The following KCNJ3 variants were observed in gnomAD, a reference collection of about 807,000 sequenced individuals.
KCNJ3 encodes G protein-activated inward rectifier potassium channel 1.
In KCNJ3, 4 loss-of-function variants were observed where a neutral mutation model predicts 39.2. That is an observed-to-expected ratio of 0.10 (90% CI 0.05 to 0.23). The LOEUF (loss-of-function observed/expected upper bound fraction) is 0.23. Among genes scored for constraint, KCNJ3 ranks in the 10% least tolerant of loss-of-function variants. The pLI is 1.00. For missense variants in KCNJ3, 276 were observed against 634.9 expected, an observed-to-expected ratio of 0.43 and a Z score of 6.08; for synonymous variants, 230 against 237.4, an observed-to-expected ratio of 0.97 and a Z score of 0.29.
intron 2 of KCNJ3, among the ~76,000 whole-genome samples, chr2:154,848,368 A>G (rs1209575415): frequency 6.6e-6 from 1 of 152,186 alleles, no homozygotes; most frequent in Non-Finnish European, 1.5e-5. Flanking sequence ...GAGATAAAAT[A>G]TATAAAACCT....
chr2:154,848,854 T>C (rs1687707720), intron 2 of KCNJ3, among the ~76,000 whole-genome samples: 1 of 152,200 alleles, frequency 6.6e-6, no homozygotes, highest in Non-Finnish European at 1.5e-5. Context: ...TGTTCATCCC[T>C]GAAGAAAGGT....
At chr2:154,701,801 A>G (rs148290727) in intron 1 of KCNJ3, among the ~76,000 whole-genome samples, 17 of 152,196 alleles carry the variant, frequency 1.1e-4, no homozygotes, top group Non-Finnish European at 2.2e-4. Context: ...AAACAAAATT[A>G]TGGTGAAATT....
chr2:154,766,149 T>A (rs996869920), intron 2 of KCNJ3, among the ~76,000 whole-genome samples: 1 of 152,200 alleles, frequency 6.6e-6, no homozygotes, highest in Non-Finnish European at 1.5e-5. Flanking sequence ...AATAGATATT[T>A]CTTTCTGCAA....
chr2:154,805,830 A>T (rs912578207), intron 2 of KCNJ3, among the ~76,000 whole-genome samples: 2 of 152,154 alleles, frequency 1.3e-5, no homozygotes, highest in African/African-American at 4.8e-5. Context: ...TAAAAAAATT[A>T]TATTTAGTGA....
intron 2 of KCNJ3, among the ~76,000 whole-genome samples, chr2:154,772,747 C>A (rs1686263841): frequency 6.6e-6 from 1 of 151,864 alleles, no homozygotes; most frequent in South Asian, 2.1e-4. Context: ...TGTCCTTAGA[C>A]TTCTGTTTTC....
At position 154,854,715 on chromosome 2, in the gene KCNJ3, C is replaced by A. The variant is rs1687809377; in HGVS notation, c.920-12C>A. The A allele has an allele frequency of 6.3e-7, 1 of 1,585,122 alleles. No homozygotes were observed. The highest frequency in any genetic ancestry group is 8.6e-7 in the Non-Finnish European group (1 of 1,161,170). ...ATGCATAATTTATCAAGAATTTTCT[C>A]TTTTCTTGTAGGGATGACTTGTCAA... is the stretch of plus-strand genomic sequence containing the variant. On this transcript the variant is annotated splice_polypyrimidine_tract_variant and intron_variant, in intron 2 of 2. Transcript: ENST00000295101.
intron 1 of KCNJ3, among the ~76,000 whole-genome samples, chr2:154,706,031 A>T (rs909239454): frequency 6.6e-6 from 1 of 152,020 alleles, no homozygotes; most frequent in Non-Finnish European, 1.5e-5. Context: ...TTTTTACTTT[A>T]TTTGTTCCAC....
rs1177822515 is a variant in KCNJ3 at position 154,855,206 on chromosome 2, G to A, written c.1399G>A (p.Val467Met). The stretch of plus-strand genomic sequence containing the variant: ...GTTATCTGATCCCATGAGCCAGTCT[G>A]TGGCTGATTTGCCACCAAAGCTTCA... ...KMLSDPMSQS[V>M]ADLPPKLQKM... Residue 467 changes from valine to methionine, a missense_variant, in exon 3 of 3, where the codon GTG (valine) becomes ATG (methionine). This residue lies in a region of KCNJ3 where 126 missense variants were observed against 179.8 expected (regional missense o/e 0.70). Transcript: ENST00000295101. 1.2e-6 allele frequency: 2 copies of A among 1,613,658 alleles called. No homozygotes were observed. The highest frequency in any genetic ancestry group is 2.2e-5 in the East Asian group (1 of 44,832).
At chr2:154,758,447 A>C (rs1350863447) in intron 2 of KCNJ3, among the ~76,000 whole-genome samples, 4 of 152,194 alleles carry the variant, frequency 2.6e-5, no homozygotes, top group African/African-American at 4.8e-5. Flanking sequence ...TAACCTGTGC[A>C]CATCCTCCTA....
At chr2:154,847,176 C>T (rs1687676619) in intron 2 of KCNJ3, among the ~76,000 whole-genome samples, 1 of 151,986 alleles carries the variant, frequency 6.6e-6, no homozygotes, top group Admixed American at 6.6e-5. Context: ...AGCCTATTGC[C>T]AGTAACCTTA....
intron 2 of KCNJ3, among the ~76,000 whole-genome samples, chr2:154,849,614 C>T (rs1371570805): frequency 6.6e-6 from 1 of 152,132 alleles, no homozygotes; most frequent in African/African-American, 2.4e-5. Context: ...TTTCCCTTGG[C>T]CTGTGGTTAT....
At chr2:154,808,592 A>G (rs552112614) in intron 2 of KCNJ3, among the ~76,000 whole-genome samples, 1 of 152,226 alleles carries the variant, frequency 6.6e-6, no homozygotes, top group African/African-American at 2.4e-5. Flanking sequence ...CCAGGTTGCC[A>G]CCTAGTCTGA....
At position 154,709,737 on chromosome 2, in the gene KCNJ3, C is replaced by G; in HGVS notation, c.837C>G (p.Pro279=). Residue 279 remains proline (P), a synonymous_variant, in exon 2 of 3, where the codon CCC becomes CCG. Transcript: ENST00000295101. ...TICHVIDAKS[P]FYDLSQRSMQ... ...GCCACGTGATCGATGCCAAAAGCCC[C>G]TTTTATGACCTATCCCAGCGAAGCA... The G allele has an allele frequency of 1.2e-6, 2 of 1,613,956 alleles. No homozygotes were observed. Among genetic ancestry groups the G allele is most frequent in the Non-Finnish European group, 1.7e-6 (2 of 1,179,908 alleles).
chr2:154,807,158 C>T (rs1686926588), intron 2 of KCNJ3, among the ~76,000 whole-genome samples: 1 of 152,164 alleles, frequency 6.6e-6, no homozygotes, highest in South Asian at 2.1e-4. Context: ...CCTGGAAGCT[C>T]CTTGAATAGT....
intron 2 of KCNJ3, among the ~76,000 whole-genome samples, chr2:154,830,944 A>G (rs539958413): frequency 6.6e-6 from 1 of 152,292 alleles, no homozygotes; most frequent in East Asian, 1.9e-4. Context: ...TTGCAACAAT[A>G]AGAAATTGTT....
intron 2 of KCNJ3, among the ~76,000 whole-genome samples, chr2:154,838,311 A>G (rs2105126889): frequency 6.6e-6 from 1 of 152,318 alleles, no homozygotes; most frequent in Middle Eastern, 3.4e-3. Flanking sequence ...ATTTATGAAA[A>G]CAAAATAGCA....
chr2:154,709,583 T>C lies in KCNJ3; in HGVS notation c.703-20T>C, dbSNP rs550218820. On this transcript the variant is annotated intron_variant, in intron 1 of 2. Coordinates refer to ENST00000295101, the MANE Select transcript of KCNJ3 (RefSeq NM_002239.4). ...CAGTACAAGTGGTGATTTCTTCTCTTTTTCTGTGTGCTTGTCTAGTCTCGG... is the reference window on the plus strand; with the variant it reads ...CAGTACAAGTGGTGATTTCTTCTCTCTTTCTGTGTGCTTGTCTAGTCTCGG... The C allele has an allele frequency of 1.2e-6, 2 of 1,606,572 alleles. No homozygotes were observed. The highest frequency in any genetic ancestry group is 4.5e-5 in the East Asian group (2 of 44,760).
intron 2 of KCNJ3, among the ~76,000 whole-genome samples, chr2:154,815,547 A>G (rs899557454): frequency 3.3e-5 from 5 of 152,216 alleles, no homozygotes; most frequent in African/African-American, 9.6e-5. Context: ...CAATGACTAA[A>G]TGGATGGAAA....
chr2:154,805,989 G>A (rs575811954), intron 2 of KCNJ3, among the ~76,000 whole-genome samples: 4 of 152,152 alleles, frequency 2.6e-5, no homozygotes, highest in South Asian at 2.1e-4. Context: ...GTTCAAGTCC[G>A]AGTCTGGCTA....
Sources: allele counts gnomAD v4.1 joint callset (sites outside exome capture counted in the v4.1 genomes callset), GRCh38; gene constraint gnomAD v4.1.1; regional missense constraint gnomAD v4.1.1; transcripts MANE v1.5; gene names NCBI Gene and HGNC (gene_info 2026-07-23, HGNC 2026-07-21).